The following KCNMA1 variants were observed in gnomAD, a reference collection of about 807,000 sequenced individuals.
KCNMA1 encodes potassium calcium-activated channel subfamily M alpha 1.
A neutral mutation model predicts 140.0 loss-of-function variants in KCNMA1; 29 were observed. The observed-to-expected ratio is 0.21, with a 90% CI of 0.15 to 0.28. The LOEUF (loss-of-function observed/expected upper bound fraction) is 0.28. KCNMA1 is among the 10% of genes least tolerant of loss of function. KCNMA1 has a pLI of 1.00. For missense variants in KCNMA1, 880 were observed against 1,602.2 expected, an observed-to-expected ratio of 0.55 and a Z score of 7.70; for synonymous variants, 612 against 611.9, an observed-to-expected ratio of 1.00 and a Z score of 0.00.
At chr10:77,386,420 G>A (rs1024345718) in intron 2 of KCNMA1, among the ~76,000 whole-genome samples, 21 of 152,212 alleles carry the variant, frequency 1.4e-4, no homozygotes, top group Admixed American at 1.3e-3. Context: ...GAACGAATGA[G>A]GAGTCTGAGA....
chr10:77,385,221 A>G (rs575960774), intron 2 of KCNMA1, among the ~76,000 whole-genome samples: 3 of 152,356 alleles, frequency 2.0e-5, no homozygotes, highest in African/African-American at 4.8e-5. Flanking sequence ...GCTTTCACAT[A>G]TATTTCTTCT....
intron 14 of KCNMA1, among the ~76,000 whole-genome samples, chr10:77,060,518 G>C (rs190920775): frequency 6.6e-6 from 1 of 152,298 alleles, no homozygotes. Context: ...CAAAAATGGA[G>C]AAGAATTTTG....
intron 1 of KCNMA1, among the ~76,000 whole-genome samples, chr10:77,564,180 G>C (rs1231926205): frequency 6.6e-6 from 1 of 152,212 alleles, no homozygotes; most frequent in Non-Finnish European, 1.5e-5. Flanking sequence ...CCAGCCTCCA[G>C]AGAAGAGTGA....
At chr10:77,400,041 T>C (rs1020661636) in intron 2 of KCNMA1, among the ~76,000 whole-genome samples, 2 of 152,164 alleles carry the variant, frequency 1.3e-5, no homozygotes, top group Non-Finnish European at 2.9e-5. Context: ...AAATTAAAAA[T>C]TGAAACGGGA....
At position 77,233,321 on chromosome 10, in the gene KCNMA1, C is replaced by T. The variant is rs150971758; in HGVS notation, c.602+17874G>A. On this transcript the variant is annotated intron_variant, in intron 3 of 27. Transcript: ENST00000286628. ...TGCCCAATACAAGTCATTCTCTATC[C>T]CAAGGATTCTTCACTTGGGGCCATA... Among the ~76,000 whole-genome samples, 376 of 152,192 alleles carry T rather than the reference C, an allele frequency of 2.5e-3. 3 individuals are homozygous for T. Among genetic ancestry groups the T allele is most frequent in the African/African-American group, 8.6e-3 (358 of 41,526 alleles).
chr10:76,994,429 C>T (rs1466150839), intron 19 of KCNMA1, among the ~76,000 whole-genome samples: 1 of 152,306 alleles, frequency 6.6e-6, no homozygotes, highest in East Asian at 1.9e-4. Context: ...AGAGTAGAGA[C>T]TACACTAATT....
At position 77,045,889 on chromosome 10, in the gene KCNMA1, G is replaced by A. The variant is rs766857010; in HGVS notation, c.1750-6252C>T. On this transcript the variant is annotated intron_variant, in intron 14 of 27. Coordinates refer to ENST00000286628, the MANE Select transcript of KCNMA1 (RefSeq NM_001161352.2). ...ATCTTGCAAAAGTCCACCTCTACCC[G>A]TGAAGTCATGTAAATAATTCCAAAG... 4.3e-4 allele frequency among the ~76,000 whole-genome samples: 65 copies of A among 152,208 alleles called. No individual in the cohort carries two copies. In the Middle Eastern group the frequency reaches 0.01, roughly 24 times the overall value.
intron 25 of KCNMA1, among the ~76,000 whole-genome samples, chr10:76,909,056 G>A (rs1291738310): frequency 6.6e-6 from 1 of 152,108 alleles, no homozygotes; most frequent in Non-Finnish European, 1.5e-5. Flanking sequence ...TGATCCCTGG[G>A]CCAGCCCACT....
At chr10:77,487,716 T>C (rs547868692) in intron 1 of KCNMA1, among the ~76,000 whole-genome samples, 13 of 152,150 alleles carry the variant, frequency 8.5e-5, no homozygotes, top group Non-Finnish European at 1.6e-4. Flanking sequence ...TTTTTAAAAA[T>C]TGTTAATTAA....
At chr10:77,562,797 A>G (rs1452298712) in intron 1 of KCNMA1, among the ~76,000 whole-genome samples, 1 of 152,238 alleles carries the variant, frequency 6.6e-6, no homozygotes, top group Non-Finnish European at 1.5e-5. Flanking sequence ...AGATTCAGTT[A>G]GACACGTCTC....
chr10:77,110,035 A>G, intron 8 of KCNMA1, 138 bp downstream of exon 8: 3 of 791,206 alleles, frequency 3.8e-6, no homozygotes, highest in Middle Eastern at 3.4e-4. Context: ...TCGTGTTTGG[A>G]TTTACTTAGC....
intron 1 of KCNMA1, among the ~76,000 whole-genome samples, chr10:77,631,452 G>A (rs1264341404): frequency 2.0e-5 from 3 of 152,212 alleles, no homozygotes; most frequent in African/African-American, 4.8e-5. Context: ...CCCTTTCACT[G>A]GAACCACAAA....
Position 76,886,907 on chromosome 10 carries a change from T to C in KCNMA1, c.*359A>G, listed in dbSNP as rs1361543336. Reference sequence around the variant, plus strand: ...AATCCTGATAAATCAGAATCAACTTTTCTTTTACATTAAATAAACTTGCTC... The same window carrying C: ...AATCCTGATAAATCAGAATCAACTTCTCTTTTACATTAAATAAACTTGCTC... On this transcript the variant is annotated 3_prime_UTR_variant, in exon 28 of 28. Transcript: ENST00000286628. 8.9e-7 allele frequency: 1 copy of C among 1,129,422 alleles called. No homozygotes were observed. Among genetic ancestry groups the C allele is most frequent in the Non-Finnish European group, 1.1e-6 (1 of 914,528 alleles). The allele number at this position is 1,129,422 out of a possible 1,614,324, so 70.0% of individuals were successfully genotyped here.
chr10:77,446,406 C>T (rs1035159252), intron 1 of KCNMA1, among the ~76,000 whole-genome samples: 2 of 152,210 alleles, frequency 1.3e-5, no homozygotes, highest in Admixed American at 6.5e-5. Flanking sequence ...GCTAGAGTGG[C>T]CTCTCCAAGC....
At chr10:77,324,971 C>CTCTCTCTCTCTCTCTCTGTGTGTG (rs766240356) in intron 2 of KCNMA1, among the ~76,000 whole-genome samples, 2 of 90,378 alleles carry the variant, frequency 2.2e-5, no homozygotes, top group African/African-American at 4.6e-5. Context: ...CTCTCTCTCT[C>CTCTCTCTCTCTCTCTCTGTGTGTG]TGTGTGTGTG....
At chr10:77,613,361 CT>C (rs1351876744) in intron 1 of KCNMA1, among the ~76,000 whole-genome samples, 3 of 152,182 alleles carry the variant, frequency 2.0e-5, no homozygotes, top group African/African-American at 7.2e-5. Flanking sequence ...TGCTCTGTGC[CT>C]CTCTCCAATA....
In KCNMA1 at chr10:77,490,940, G is replaced by A. The variant is rs533383687; in HGVS notation, c.379-86917C>T. Among the ~76,000 whole-genome samples, 4 of 152,122 alleles carry A rather than the reference G, an allele frequency of 2.6e-5. No homozygotes were observed. In the East Asian group the frequency reaches 7.7e-4, roughly 29 times the overall value. ...CTTGAACCACTCTTTGTAACTCCAG[G>A]GCCTACTGTAGGAGCCCTAATCAGC... On this transcript the variant is annotated intron_variant, in intron 1 of 27. Transcript: ENST00000286628.
intron 19 of KCNMA1, among the ~76,000 whole-genome samples, chr10:76,991,353 T>G (rs1296032779): frequency 1.3e-5 from 2 of 152,244 alleles, no homozygotes; most frequent in East Asian, 3.8e-4. Context: ...TTCTGGTACT[T>G]TGTTTCCAGA....
intron 14 of KCNMA1, among the ~76,000 whole-genome samples, chr10:77,048,994 G>A (rs2095246969): frequency 6.6e-6 from 1 of 152,104 alleles, no homozygotes; most frequent in Non-Finnish European, 1.5e-5. Flanking sequence ...TCGATCTCCT[G>A]ACCTGGAGAT....
Sources: gnomAD v4.1 joint callset for allele counts (sites outside exome capture counted in the v4.1 genomes callset) on GRCh38, gnomAD v4.1.1 for gene constraint, MANE v1.5 for transcripts, NCBI Gene and HGNC (gene_info 2026-07-23, HGNC 2026-07-21) for gene names.